Variants in CATSPERE observed in about 807,000 individuals in gnomAD.
CATSPERE encodes cation channel sperm-associated auxiliary subunit epsilon.
A neutral mutation model predicts 114.1 loss-of-function variants in CATSPERE; 93 were observed. The ratio of observed to expected loss-of-function variants is 0.81; its 90% confidence interval spans 0.69 to 0.97. The LOEUF (loss-of-function observed/expected upper bound fraction) is 0.97. CATSPERE is among the 50% of genes least tolerant of loss of function. The pLI is 0.00. For synonymous variants in CATSPERE, 341 were observed against 384.1 expected, an observed-to-expected ratio of 0.89 and a Z score of 1.31; for missense variants, 1,058 against 1,131.6, an observed-to-expected ratio of 0.93 and a Z score of 0.93.
Position 244,487,332 on chromosome 1 carries a change from C to T in CATSPERE, c.327-3115C>T, listed in dbSNP as rs115288792. Among the ~76,000 whole-genome samples, 873 of 152,214 alleles carry T rather than the reference C, an allele frequency of 5.7e-3. 8 individuals carry two copies. Among genetic ancestry groups the T allele is most frequent in the African/African-American group, 0.02 (838 of 41,506 alleles). On this transcript the variant is annotated intron_variant, in intron 5 of 21. Transcript: ENST00000366534. ...AACATGTGCACAGCCCACCAGCCGC[C>T]ATATTTCCCTTCTCAATAGACCTAC...
chr1:244,539,843 G>T (rs9662948), intron 8 of CATSPERE, among the ~76,000 whole-genome samples: 3 of 135,988 alleles, frequency 2.2e-5, no homozygotes. Context: ...TTTTTATTGC[G>T]TCTATTTGAT....
chr1:244,456,565 G>T (rs566546271), upstream of CATSPERE, among the ~76,000 whole-genome samples: 1 of 152,258 alleles, frequency 6.6e-6, no homozygotes, highest in East Asian at 1.9e-4. Context: ...CAGTTTTAAA[G>T]ATTTTTGGTA....
intron 6 of CATSPERE, among the ~76,000 whole-genome samples, chr1:244,496,466 A>G (rs757468490): frequency 3.3e-5 from 5 of 151,842 alleles, no homozygotes; most frequent in Non-Finnish European, 5.9e-5. Flanking sequence ...CTTTTGACTC[A>G]TGTGTGAGCT....
intron 13 of CATSPERE, among the ~76,000 whole-genome samples, chr1:244,586,870 C>T (rs538391385): frequency 2.0e-4 from 31 of 152,284 alleles, no homozygotes; most frequent in African/African-American, 7.5e-4. Context: ...GAGGGAGAAC[C>T]AGGACCCTGG....
At chr1:244,636,048 A>G (rs911411880) in intron 21 of CATSPERE, among the ~76,000 whole-genome samples, 1 of 152,208 alleles carries the variant, frequency 6.6e-6, no homozygotes, top group Non-Finnish European at 1.5e-5. Context: ...GGCAGATGCC[A>G]GAATGCAGTG....
At chr1:244,589,402 T>C (rs1220093712) in intron 14 of CATSPERE, among the ~76,000 whole-genome samples, 1 of 152,242 alleles carries the variant, frequency 6.6e-6, no homozygotes, top group East Asian at 1.9e-4. Context: ...CAGCATTTCC[T>C]AAATTTGCAT....
At chr1:244,531,064 C>G (rs1679501394) in intron 8 of CATSPERE, among the ~76,000 whole-genome samples, 2 of 147,778 alleles carry the variant, frequency 1.4e-5, no homozygotes, top group Non-Finnish European at 3.0e-5. Flanking sequence ...CCCATCTCTA[C>G]TAAAAATAAA....
At chr1:244,579,263 T>C (rs951689514) in intron 11 of CATSPERE, among the ~76,000 whole-genome samples, 9 of 103,118 alleles carry the variant, frequency 8.7e-5, no homozygotes, top group Admixed American at 2.2e-4. Flanking sequence ...TTCATGCAGT[T>C]ATGGTTTATT....
chr1:244,619,968 G>T (rs1222381076), intron 20 of CATSPERE, among the ~76,000 whole-genome samples: 1 of 152,124 alleles, frequency 6.6e-6, no homozygotes, highest in Admixed American at 6.5e-5. Flanking sequence ...GAATCTGATA[G>T]ATCAAGTAGT....
At chr1:244,611,525 G>A (rs1002896034) in intron 19 of CATSPERE, among the ~76,000 whole-genome samples, 1 of 152,092 alleles carries the variant, frequency 6.6e-6, no homozygotes, top group Non-Finnish European at 1.5e-5. Context: ...AGCCCCGACA[G>A]CTGAGGTTGC....
upstream of CATSPERE, among the ~76,000 whole-genome samples, chr1:244,460,348 C>T (rs1459278759): frequency 2.6e-5 from 4 of 152,158 alleles, no homozygotes; most frequent in Non-Finnish European, 5.9e-5. Flanking sequence ...AGACCCTGCA[C>T]TTGATGGATC....
chr1:244,600,219 T>C (rs1368372424), intron 17 of CATSPERE, among the ~76,000 whole-genome samples: 4 of 152,156 alleles, frequency 2.6e-5, no homozygotes, highest in Non-Finnish European at 5.9e-5. Flanking sequence ...GTTAGAGCAA[T>C]GCTTTTCAGC....
chr1:244,616,462 C>T (rs964806963), intron 19 of CATSPERE, among the ~76,000 whole-genome samples: 37 of 152,112 alleles, frequency 2.4e-4, no homozygotes, highest in Admixed American at 2.2e-3. Flanking sequence ...CTATAATAAA[C>T]AGAAATTTAT....
intron 2 of CATSPERE, among the ~76,000 whole-genome samples, chr1:244,465,835 A>G (rs1667517682): frequency 6.6e-6 from 1 of 152,200 alleles, no homozygotes; most frequent in Non-Finnish European, 1.5e-5. Flanking sequence ...TCATTATGAT[A>G]TTGAATCTTC....
Position 244,581,862 on chromosome 1 carries a change from TA to T in CATSPERE, c.2009+10del. The stretch of plus-strand genomic sequence containing the variant: ...TGATTACTTTGAGACACAGTAAGTA[TA>T]ACTTTTAAAAGAACTTTCTCAGTAT... On this transcript the variant is annotated intron_variant, in intron 12 of 21. Coordinates refer to ENST00000366534, the MANE Select transcript of CATSPERE (RefSeq NM_001130957.2). 1 of 1,240,548 alleles carries T rather than the reference TA, an allele frequency of 8.1e-7. No homozygotes were observed. Among genetic ancestry groups the T allele is most frequent in the Non-Finnish European group, 1.1e-6 (1 of 875,420 alleles). 76.8% of individuals were successfully genotyped at this position (1,240,548 alleles called of 1,614,324 possible). A position where few individuals can be genotyped will look rare whatever the true frequency, so the allele number is the denominator to read the frequency against.
chr1:244,535,199 A>T (rs1002531065), intron 8 of CATSPERE, among the ~76,000 whole-genome samples: 3 of 152,156 alleles, frequency 2.0e-5, no homozygotes, highest in African/African-American at 7.2e-5. Flanking sequence ...CTGGGACTGC[A>T]CTGGGTCAGA....
intron 7 of CATSPERE, among the ~76,000 whole-genome samples, chr1:244,500,426 A>G (rs1170215019): frequency 6.6e-6 from 1 of 152,142 alleles, no homozygotes; most frequent in Non-Finnish European, 1.5e-5. Context: ...GCCCATGCCT[A>G]TATCCTGAAT....
rs371098802 is a variant in CATSPERE at position 244,490,495 on chromosome 1, A to G, written c.351+24A>G. ...AGGTAAAATATTTTTTAAATTTTGT[A>G]TAGCCTTCATATATCACTAGTATAT... On this transcript the variant is annotated intron_variant, in intron 6 of 21. Transcript: ENST00000366534. The G allele has an allele frequency of 1.7e-5, 23 of 1,321,700 alleles. No individual in the cohort carries two copies. The Admixed American group carries it at 3.0e-4, about 17-fold the overall frequency. 81.9% of individuals were successfully genotyped at this position (1,321,700 alleles called of 1,614,324 possible).
At chr1:244,564,802 G>C (rs190331312) in intron 10 of CATSPERE, among the ~76,000 whole-genome samples, 78 of 152,322 alleles carry the variant, frequency 5.1e-4, no homozygotes, top group African/African-American at 1.9e-3. Context: ...GGAGTGGTGA[G>C]AGAAGGCATC....
Sources: gnomAD v4.1 joint callset for allele counts (sites outside exome capture counted in the v4.1 genomes callset) on GRCh38, gnomAD v4.1.1 for gene constraint, MANE v1.5 for transcripts, NCBI Gene and HGNC (gene_info 2026-07-23, HGNC 2026-07-21) for gene names.